Variants in JAKMIP3 observed in about 807,000 individuals in gnomAD.
The protein encoded by JAKMIP3 is Janus kinase and microtubule interacting protein 3, also known as janus kinase and microtubule-interacting protein 3.
In JAKMIP3, 58 loss-of-function variants were observed where a neutral mutation model predicts 118.5. The observed-to-expected ratio is 0.49, with a 90% CI of 0.40 to 0.61. The LOEUF (loss-of-function observed/expected upper bound fraction) is 0.61, where lower values mean the gene tolerates loss of function less well. Among genes scored for constraint, JAKMIP3 ranks in the 20% least tolerant of loss-of-function variants. The pLI, the probability that JAKMIP3 is intolerant of heterozygous loss-of-function variation, is 0.00. For synonymous variants in JAKMIP3, 486 were observed against 451.2 expected (o/e 1.08, Z -0.98); for missense variants, 950 against 1,109.0 (o/e 0.86, Z 2.04).
chr10:132,080,527 TTTTTTTTTTTTTA>T (rs1297969823), intron 1 of JAKMIP3, among the ~76,000 whole-genome samples: 6 of 124,268 alleles, frequency 4.8e-5, no homozygotes, highest in South Asian at 5.4e-4. Context: ...TTTTTTTTTT[TTTTTTTTTTTTTA>T]AGATGGAGTC....
intron 1 of JAKMIP3, among the ~76,000 whole-genome samples, chr10:132,040,146 G>A (rs2037682358): frequency 6.6e-6 from 1 of 152,128 alleles, no homozygotes; most frequent in African/African-American, 2.4e-5. Context: ...GAGCTGACGG[G>A]GTGAGATGAG....
rs188266742 is a variant in JAKMIP3 at position 132,142,972 on chromosome 10, G to A, written c.1602+924G>A. Among the ~76,000 whole-genome samples the A allele has an allele frequency of 5.0e-4, 76 of 152,284 alleles. No individual in the cohort carries two copies. In the Middle Eastern group the frequency reaches 0.014, roughly 27 times the overall value. ...AGAGTGTCCACAGAGCATCCCCAGC[G>A]TGGTCCACGCTAGTGCCCCAGGGAG... is the stretch of plus-strand genomic sequence containing the variant. On this transcript the variant is annotated intron_variant, in intron 11 of 23. Transcript: ENST00000684848.
At position 132,067,290 on chromosome 10, in the gene JAKMIP3, T is replaced by C. The variant is rs144923077; in HGVS notation, c.-138+1229T>C. ...CAAGGCTGAGGGTGGGGGGAGGGCA[T>C]TGGCATTCCTGCTATTCCCGAGGTT... On this transcript the variant is annotated intron_variant, in intron 1 of 23. Coordinates refer to ENST00000684848, the MANE Select transcript of JAKMIP3 (RefSeq NM_001323087.2). Among the ~76,000 whole-genome samples the C allele has an allele frequency of 1.7e-4, 25 of 144,974 alleles. No individual in the cohort carries two copies. The East Asian group carries it at 4.7e-3, about 27-fold the overall frequency.
At position 132,138,856 on chromosome 10, in the gene JAKMIP3, G is replaced by A. The variant is rs570787544; in HGVS notation, c.1344+678G>A. ...ACGCTCGCCTGTCCTGCCGTTCACC[G>A]TCCTCGGCCACACTTGCAGGCTGTG... is the stretch of plus-strand genomic sequence containing the variant. On this transcript the variant is annotated intron_variant, in intron 9 of 23. Transcript: ENST00000684848. Among the ~76,000 whole-genome samples the A allele has an allele frequency of 5.3e-5, 8 of 152,332 alleles. No individual in the cohort carries two copies. In the South Asian group the frequency reaches 6.2e-4, roughly 12 times the overall value.
chr10:132,146,606 G>GCGGC (rs1268890535), intron 13 of JAKMIP3, among the ~76,000 whole-genome samples: 1 of 152,174 alleles, frequency 6.6e-6, no homozygotes, highest in African/African-American at 2.4e-5. Flanking sequence ...GCTGGCAGGT[G>GCGGC]CGGCCCTCTG....
intron 23 of JAKMIP3, among the ~76,000 whole-genome samples, chr10:132,180,530 T>TGC (rs2060671348): frequency 1.3e-4 from 4 of 31,946 alleles, no homozygotes; most frequent in East Asian, 1.3e-3. Context: ...GAACTGTGTG[T>TGC]GTGTGTGTGT....
At chr10:132,133,952 C>T (rs531951435) in intron 4 of JAKMIP3, among the ~76,000 whole-genome samples, 2 of 152,218 alleles carry the variant, frequency 1.3e-5, no homozygotes, top group African/African-American at 2.4e-5. Flanking sequence ...CTGCCCACCG[C>T]GTGCCCAGCT....
At position 132,126,002 on chromosome 10, in the gene JAKMIP3, G is replaced by A. The variant is rs573447038; in HGVS notation, c.634-7310G>A. 3.0e-4 allele frequency among the ~76,000 whole-genome samples: 46 copies of A among 152,292 alleles called. No homozygotes were observed. In the South Asian group the frequency reaches 8.3e-3, roughly 27 times the overall value. The stretch of plus-strand genomic sequence containing the variant: ...TGCAGCCGTAAACTCATGGGCTCAC[G>A]CAGTCCTCCCGCCTCACGTCCCAAA... On this transcript the variant is annotated intron_variant, in intron 3 of 23. Coordinates refer to ENST00000684848, the MANE Select transcript of JAKMIP3 (RefSeq NM_001323087.2).
chr10:132,047,056 A>G (rs2037938523), intron 1 of JAKMIP3, among the ~76,000 whole-genome samples: 1 of 152,016 alleles, frequency 6.6e-6, no homozygotes, highest in Admixed American at 6.6e-5. Flanking sequence ...ATTTAAAAAC[A>G]TTTTTTTGTG....
intron 1 of JAKMIP3, among the ~76,000 whole-genome samples, chr10:132,045,065 C>T (rs529953904): frequency 1.4e-3 from 217 of 152,198 alleles, no homozygotes; most frequent in Non-Finnish European, 1.6e-3. Flanking sequence ...GTGCACATGC[C>T]CGTCCGAGAT....
upstream of JAKMIP3, among the ~76,000 whole-genome samples, chr10:132,065,617 AC>A (rs999003972): frequency 5.3e-5 from 8 of 151,964 alleles, no homozygotes; most frequent in Admixed American, 1.3e-4. The surrounding 1 kb of genome is among the most constrained non-coding windows in gnomAD (Gnocchi z 5.6). Context: ...CGCCGGGCCA[AC>A]CCGGAGCCCA....
chr10:132,082,169 TGG>T (rs10600838), intron 1 of JAKMIP3, among the ~76,000 whole-genome samples: 101,712 of 146,914 alleles, frequency 0.69, 35,089 homozygotes, highest in East Asian at 0.8. Flanking sequence ...ATTGTTTGTT[TGG>T]GGGGGGGGGC....
chr10:132,172,689 G>C (rs998901879), intron 23 of JAKMIP3, among the ~76,000 whole-genome samples: 3 of 151,828 alleles, frequency 2.0e-5, no homozygotes, highest in Non-Finnish European at 2.9e-5. Context: ...AGCCTCCAGC[G>C]CTCCTCCAGG....
intron 22 of JAKMIP3, 68 bp from the exon 23 acceptor site, chr10:132,167,885 G>GCCCTCGC (rs1564995909): frequency 7.8e-5 from 54 of 693,660 alleles, no homozygotes; most frequent in Non-Finnish European, 9.9e-5. Context: ...TCGCCCCTCG[G>GCCCTCGC]CCCTCGCCCC....
chr10:132,180,628 TGTGTGCGTGCGTGTGTGC>T (rs1372330146), intron 23 of JAKMIP3, among the ~76,000 whole-genome samples: 403 of 32,714 alleles, frequency 0.012, 142 homozygotes, highest in Non-Finnish European at 0.02. Context: ...TGTGTGTGCG[TGTGTGCGTGCGTGTGTGC>T]GTGTGCGTGT....
intron 6 of JAKMIP3, among the ~76,000 whole-genome samples, chr10:132,136,541 G>T (rs1332441031): frequency 1.3e-5 from 2 of 152,204 alleles, no homozygotes; most frequent in African/African-American, 4.8e-5. Context: ...ACGTTCCCCT[G>T]CCCTGAGGAC....
rs1434773988 is a variant in JAKMIP3, at chr10:132,117,321, G to A, written c.380G>A (p.Gly127Asp). Residue 127 changes from glycine (G) to aspartate (D), a missense_variant, in exon 3 of 24, where the codon GGC (glycine) becomes GAC (aspartate). Gly to Asp is a moderately conservative substitution (Grantham distance 94). Transcript: ENST00000684848. This position sits in a 1 kb window ranked among gnomAD's most constrained non-coding sequence, Gnocchi z 8.6. ...CTGCTCAGTGCCCTGCGTGATGGCG[G>A]CCCCGAAAAGGTCAAGACCGTGCTG... ...QALLSALRDG[G>D]PEKVKTVLLS... 6.2e-7 allele frequency: 1 copy of A among 1,614,010 alleles called. No individual in the cohort carries two copies. The highest frequency in any genetic ancestry group is 1.1e-5 in the South Asian group (1 of 91,074).
At position 132,181,171 on chromosome 10, in the gene JAKMIP3, T is replaced by C. The variant is rs1226966242; in HGVS notation, c.*1104-1186T>C. On this transcript the variant is annotated intron_variant, in intron 23 of 23. Coordinates refer to ENST00000684848, the MANE Select transcript of JAKMIP3 (RefSeq NM_001323087.2). Reference sequence around the variant, plus strand: ...GGCAGTGAGTGGAGTGTGCTGACAATGGAGAGCAGCAGCTGGCTCTGGAGA... The same window carrying C: ...GGCAGTGAGTGGAGTGTGCTGACAACGGAGAGCAGCAGCTGGCTCTGGAGA... 3 of 152,218 alleles carry C rather than the reference T, an allele frequency of 2.0e-5. No individual in the cohort carries two copies. The East Asian group carries it at 5.8e-4, about 29-fold the overall frequency. The allele number at this position is 152,218 out of a possible 1,614,324, so 9.4% of individuals were successfully genotyped here. A position where few individuals can be genotyped will look rare whatever the true frequency, so the allele number is the denominator to read the frequency against.
Position 132,148,522 on chromosome 10 carries a change from C to T in JAKMIP3, c.1848+472C>T, listed in dbSNP as rs573464469. Among the ~76,000 whole-genome samples the T allele has an allele frequency of 2.1e-4, 26 of 121,088 alleles. No homozygotes were observed. In the South Asian group the frequency reaches 5.9e-3, roughly 28 times the overall value. The allele number at this position is 121,088 out of a possible 152,430, so 79.4% of individuals were successfully genotyped here. ...CCGGCACGTCCGTCCTCCATCCGCC[C>T]GTCCTCCATCCGCCCCCGTGGCCCT... On this transcript the variant is annotated intron_variant, in intron 14 of 23. Coordinates refer to ENST00000684848, the MANE Select transcript of JAKMIP3 (RefSeq NM_001323087.2).
Sources: gnomAD v4.1 joint callset for allele counts (sites outside exome capture counted in the v4.1 genomes callset) on GRCh38, gnomAD v4.1.1 for gene constraint, Gnocchi (gnomAD v3.1) non-coding constraint, MANE v1.5 for transcripts, NCBI Gene and HGNC (gene_info 2026-07-23, HGNC 2026-07-21) for gene names.